The following CDH18 variants were observed in gnomAD, a reference collection of about 807,000 sequenced individuals.
CDH18 encodes the protein cadherin-18.
In CDH18, 31 loss-of-function variants were observed where a neutral mutation model predicts 67.9. That is an observed-to-expected ratio of 0.46 (90% confidence interval 0.34 to 0.62). CDH18 has a LOEUF of 0.62. CDH18 is among the 20% of genes least tolerant of loss of function. The probability of loss-of-function intolerance (pLI) is 0.01; values close to 1 mark genes in which losing one functional copy is unlikely to be tolerated. For missense variants in CDH18, 890 were observed against 975.5 expected, an observed-to-expected ratio of 0.91 and a Z score of 1.17; for synonymous variants, 362 against 347.2, an observed-to-expected ratio of 1.04 and a Z score of -0.48.
intron 3 of CDH18, among the ~76,000 whole-genome samples, chr5:19,780,914 C>T (rs1775036716): frequency 6.6e-6 from 1 of 152,004 alleles, no homozygotes; most frequent in Non-Finnish European, 1.5e-5. Context: ...AAGAATAATG[C>T]CACAGGTGAT....
intron 2 of CDH18, among the ~76,000 whole-genome samples, chr5:20,140,700 C>A (rs2126522668): frequency 6.6e-6 from 1 of 152,162 alleles, no homozygotes; most frequent in Non-Finnish European, 1.5e-5. Flanking sequence ...ATGGGTTTAA[C>A]AAGTTATTAA....
chr5:20,066,839 C>T (rs1195310328), intron 2 of CDH18, among the ~76,000 whole-genome samples: 1 of 151,826 alleles, frequency 6.6e-6, no homozygotes, highest in African/African-American at 2.4e-5. Flanking sequence ...AATTCTGACA[C>T]TATCCAAATA....
chr5:19,899,359 C>T (rs1423554488), intron 2 of CDH18, among the ~76,000 whole-genome samples: 1 of 149,568 alleles, frequency 6.7e-6, no homozygotes, highest in Non-Finnish European at 1.5e-5. Context: ...GAGATTGTGC[C>T]ATTGCACTCC....
At chr5:20,261,757 G>A (rs1744675354) in intron 1 of CDH18, among the ~76,000 whole-genome samples, 1 of 151,940 alleles carries the variant, frequency 6.6e-6, no homozygotes, top group African/African-American at 2.4e-5. Flanking sequence ...GAGAAAAATA[G>A]TTATATTCTG....
At chr5:19,983,889 T>C (rs1799303256) in intron 1 of CDH18, among the ~76,000 whole-genome samples, 1 of 152,178 alleles carries the variant, frequency 6.6e-6, no homozygotes, top group Admixed American at 6.5e-5. Context: ...AAATAGTATA[T>C]CTATGCAACC....
intron 4 of CDH18, among the ~76,000 whole-genome samples, chr5:19,738,451 TCTTTAAACTGCCAAGAATCTCTGA>T (rs894209988): frequency 6.6e-6 from 1 of 152,220 alleles, no homozygotes; most frequent in Non-Finnish European, 1.5e-5. Context: ...AAAACCTGCC[TCTTTAAACTGCCAAGAATCTCTGA>T]CTGGTTTGTT....
At chr5:19,758,159 C>T (rs1771865668) in intron 3 of CDH18, among the ~76,000 whole-genome samples, 1 of 152,146 alleles carries the variant, frequency 6.6e-6, no homozygotes, top group Admixed American at 6.5e-5. Context: ...ATATATATAA[C>T]CACTTCTATT....
At chr5:19,597,389 C>G (rs1157486727) in intron 6 of CDH18, among the ~76,000 whole-genome samples, 1 of 152,194 alleles carries the variant, frequency 6.6e-6, no homozygotes, top group Non-Finnish European at 1.5e-5. Flanking sequence ...CTTTGCAACA[C>G]AGGCATAGAT....
chr5:20,098,811 A>C (rs1746210700), intron 2 of CDH18, among the ~76,000 whole-genome samples: 2 of 152,260 alleles, frequency 1.3e-5, no homozygotes, highest in East Asian at 3.9e-4. Flanking sequence ...TGTATAAAAC[A>C]AAGGTTTTTG....
intron 2 of CDH18, among the ~76,000 whole-genome samples, chr5:20,143,216 T>A (rs1010618105): frequency 1.3e-5 from 2 of 151,996 alleles, no homozygotes; most frequent in African/African-American, 2.4e-5. Context: ...GGGATTCCGA[T>A]GAAGTCTCCA....
At chr5:20,318,033 A>G (rs1005376540) in intron 1 of CDH18, among the ~76,000 whole-genome samples, 2 of 151,872 alleles carry the variant, frequency 1.3e-5, no homozygotes, top group African/African-American at 4.8e-5. Context: ...TGAAAACTAT[A>G]TAGTTTTTGC....
chr5:19,520,070 C>G (rs949902710), intron 10 of CDH18, among the ~76,000 whole-genome samples: 1 of 152,122 alleles, frequency 6.6e-6, no homozygotes, highest in Non-Finnish European at 1.5e-5. Flanking sequence ...CCCTTTCAGT[C>G]TCCTACTTGC....
intron 2 of CDH18, among the ~76,000 whole-genome samples, chr5:20,223,032 G>A (rs1017916244): frequency 4.6e-5 from 7 of 151,764 alleles, no homozygotes; most frequent in African/African-American, 1.7e-4. Flanking sequence ...AAACTTCTTT[G>A]ATGGTTATTT....
intron 1 of CDH18, among the ~76,000 whole-genome samples, chr5:20,543,262 CTTAT>C (rs537045855): frequency 0.012 from 1,801 of 151,644 alleles, 34 homozygotes; most frequent in African/African-American, 0.042. Flanking sequence ...TGATTAAAAA[CTTAT>C]ATTTCATCTT....
chr5:19,863,032 G>T (rs1462381627), intron 2 of CDH18, among the ~76,000 whole-genome samples: 1 of 152,088 alleles, frequency 6.6e-6, no homozygotes, highest in African/African-American at 2.4e-5. Context: ...GGAAAAAATG[G>T]GAGAACAGGG....
chr5:20,021,536 T>TC (rs1412689607), intron 2 of CDH18, among the ~76,000 whole-genome samples: 1 of 152,134 alleles, frequency 6.6e-6, no homozygotes, highest in East Asian at 1.9e-4. Flanking sequence ...GATAGTGAGT[T>TC]CCCATGAGAA....
intron 3 of CDH18, among the ~76,000 whole-genome samples, chr5:19,767,759 T>C (rs1032813313): frequency 2.0e-5 from 3 of 152,136 alleles, no homozygotes; most frequent in African/African-American, 7.2e-5. Context: ...AACCTCCAAA[T>C]TATTTCTTCC....
chr5:19,947,712 G>GTGA (rs1795411728), intron 2 of CDH18, among the ~76,000 whole-genome samples: 1 of 151,404 alleles, frequency 6.6e-6, no homozygotes, highest in Non-Finnish European at 1.5e-5. Context: ...GCAGTGAGCT[G>GTGA]TGATGGCGCC....
At chr5:20,442,288 A>G (rs1749665476) in intron 1 of CDH18, among the ~76,000 whole-genome samples, 1 of 151,954 alleles carries the variant, frequency 6.6e-6, no homozygotes, top group South Asian at 2.1e-4. Context: ...AATTTTTGCT[A>G]TGGAATTAAA....
Sources: allele counts gnomAD v4.1 joint callset (sites outside exome capture counted in the v4.1 genomes callset), GRCh38; gene constraint gnomAD v4.1.1; transcripts MANE v1.5; gene names NCBI Gene and HGNC (gene_info 2026-07-23, HGNC 2026-07-21).